The following ADAMTS2 variants were observed in gnomAD, a reference collection of about 807,000 sequenced individuals.
ADAMTS2 encodes the protein A disintegrin and metalloproteinase with thrombospondin motifs 2.
In ADAMTS2, 50 loss-of-function variants were observed where a neutral mutation model predicts 123.0. The ratio of observed to expected loss-of-function variants is 0.41; its 90% CI spans 0.32 to 0.51. ADAMTS2 has a LOEUF of 0.51. Among genes scored for constraint, ADAMTS2 ranks in the 20% least tolerant of loss-of-function variants. The pLI, the probability that ADAMTS2 is intolerant of heterozygous loss-of-function variation, is 0.35. For synonymous variants in ADAMTS2, 678 were observed against 695.4 expected, an observed-to-expected ratio of 0.98 and a Z score of 0.39; for missense variants, 1,494 against 1,705.2, an observed-to-expected ratio of 0.88 and a Z score of 2.18.
At chr5:179,160,091 G>A (rs917790518) in intron 5 of ADAMTS2, among the ~76,000 whole-genome samples, 5 of 152,188 alleles carry the variant, frequency 3.3e-5, no homozygotes, top group African/African-American at 1.2e-4. Flanking sequence ...TGGAAGCTAC[G>A]TATGCAGGTG....
At chr5:179,195,804 T>C (rs1461780684) in intron 4 of ADAMTS2, among the ~76,000 whole-genome samples, 1 of 152,124 alleles carries the variant, frequency 6.6e-6, no homozygotes, top group Non-Finnish European at 1.5e-5. Flanking sequence ...GGGACAAGCG[T>C]GAGGAACAGA....
chr5:179,249,564 G>A lies in ADAMTS2; in HGVS notation c.688+23347C>T, dbSNP rs112971929. ...TTACTAAAATCACAAACAAAAGTGG[G>A]GACATTACTACCGACCTTATAGAAA... is the stretch of plus-strand genomic sequence containing the variant. On this transcript the variant is annotated intron_variant, in intron 3 of 21. Transcript: ENST00000251582. 1.6e-3 allele frequency among the ~76,000 whole-genome samples: 244 copies of A among 152,028 alleles called. 1 individual carries two copies. Among genetic ancestry groups the A allele is most frequent in the African/African-American group, 5.7e-3 (237 of 41,490 alleles).
chr5:179,302,936 C>T (rs967444897), intron 2 of ADAMTS2, among the ~76,000 whole-genome samples: 8 of 78,642 alleles, frequency 1.0e-4, no homozygotes, highest in African/African-American at 2.1e-4. Context: ...TGGGCGGGGG[C>T]GAGGGACAGG....
At chr5:179,191,609 G>T (rs1012172529) in intron 4 of ADAMTS2, among the ~76,000 whole-genome samples, 2 of 151,930 alleles carry the variant, frequency 1.3e-5, no homozygotes, top group Non-Finnish European at 2.9e-5. Flanking sequence ...GGAACGGTGT[G>T]GGGGAGGGGG....
chr5:179,257,373 C>T lies in ADAMTS2; in HGVS notation c.688+15538G>A, dbSNP rs368110766. Among the ~76,000 whole-genome samples, 8 of 152,178 alleles carry T rather than the reference C, an allele frequency of 5.3e-5. No homozygotes were observed. The East Asian group carries it at 7.7e-4, about 15-fold the overall frequency. On this transcript the variant is annotated intron_variant, in intron 3 of 21. Transcript: ENST00000251582. ...CGGGGGCCTGGAGGACATCCAGGCA[C>T]GGGTATAGGTGCCGGGAGCCCGGGG...
At chr5:179,323,607 G>A (rs186679381) in intron 2 of ADAMTS2, among the ~76,000 whole-genome samples, 84 of 152,336 alleles carry the variant, frequency 5.5e-4, no homozygotes, top group Non-Finnish European at 8.2e-4. Flanking sequence ...TACTAACTGG[G>A]AACTGAAAGC....
intron 2 of ADAMTS2, among the ~76,000 whole-genome samples, chr5:179,329,128 C>A (rs1012470738): frequency 2.4e-4 from 37 of 152,044 alleles, no homozygotes; most frequent in Non-Finnish European, 4.3e-4. Context: ...GAGATGGAGA[C>A]CATCCTGGCT....
At chr5:179,191,437 G>A (rs1407306498) in intron 4 of ADAMTS2, among the ~76,000 whole-genome samples, 2 of 151,990 alleles carry the variant, frequency 1.3e-5, no homozygotes, top group African/African-American at 2.4e-5. Flanking sequence ...GACTGAGCTC[G>A]GTCACCTGGG....
intron 2 of ADAMTS2, among the ~76,000 whole-genome samples, chr5:179,310,619 TG>T (rs1368615774): frequency 2.0e-5 from 3 of 152,142 alleles, no homozygotes; most frequent in South Asian, 4.1e-4. Flanking sequence ...TGGAGCAGCC[TG>T]GGGGCCCCCG....
At chr5:179,146,066 G>GC (rs1763245366) in intron 10 of ADAMTS2, among the ~76,000 whole-genome samples, 1 of 152,110 alleles carries the variant, frequency 6.6e-6, no homozygotes, top group Non-Finnish European at 1.5e-5. Context: ...TGTTGGCCAG[G>GC]CTGGTCTCAA....
At chr5:179,139,219 A>G (rs1275306906) in intron 11 of ADAMTS2, among the ~76,000 whole-genome samples, 1 of 151,910 alleles carries the variant, frequency 6.6e-6, no homozygotes, top group Non-Finnish European at 1.5e-5. Context: ...GGCCAGGGTG[A>G]GCGTTCAGGC....
chr5:179,289,881 G>A (rs925924924), intron 2 of ADAMTS2, among the ~76,000 whole-genome samples: 5 of 152,196 alleles, frequency 3.3e-5, no homozygotes, highest in East Asian at 1.9e-4. Flanking sequence ...GGGATGCACC[G>A]TCTACAAAAC....
rs1312543156 is a variant in ADAMTS2 at position 179,308,726 on chromosome 5, C to T, written c.534+35041G>A. Among the ~76,000 whole-genome samples the T allele has an allele frequency of 6.6e-6, 1 of 152,198 alleles. No individual in the cohort carries two copies. Among genetic ancestry groups the T allele is most frequent in the Non-Finnish European group, 1.5e-5 (1 of 68,028 alleles). On this transcript the variant is annotated intron_variant, in intron 2 of 21. Transcript: ENST00000251582. The surrounding 1 kb of genome is among the most constrained non-coding windows in gnomAD (Gnocchi z 6.6). Reference sequence around the variant, plus strand: ...CCCAGCAGATGAATCTGGCTGGCGTCCTGAGTGGAAGCAGGGCGCGGGCTG... The same window carrying T: ...CCCAGCAGATGAATCTGGCTGGCGTTCTGAGTGGAAGCAGGGCGCGGGCTG...
chr5:179,314,788 C>G lies in ADAMTS2; in HGVS notation c.534+28979G>C, dbSNP rs1756938613. 6.6e-6 allele frequency among the ~76,000 whole-genome samples: 1 copy of G among 152,186 alleles called. No homozygotes were observed. The highest frequency in any genetic ancestry group is 1.5e-5 in the Non-Finnish European group (1 of 68,030). On this transcript the variant is annotated intron_variant, in intron 2 of 21. Coordinates refer to ENST00000251582, the MANE Select transcript of ADAMTS2 (RefSeq NM_014244.5). This position sits in a 1 kb window ranked among gnomAD's most constrained non-coding sequence, Gnocchi z 4.5. Reference sequence around the variant, plus strand: ...TGCCCCCAACCTCTACTCCAGCAGACCTCCACCTACAGACAGGAGTCTTGG... The same window carrying G: ...TGCCCCCAACCTCTACTCCAGCAGAGCTCCACCTACAGACAGGAGTCTTGG...
At position 179,315,997 on chromosome 5, in the gene ADAMTS2, G is replaced by T. The variant is rs565533118; in HGVS notation, c.534+27770C>A. Among the ~76,000 whole-genome samples, 14 of 152,344 alleles carry T rather than the reference G, an allele frequency of 9.2e-5. No homozygotes were observed. In the South Asian group the frequency reaches 2.7e-3, roughly 29 times the overall value. ...ATTCCAGCATGGATGGGTTCCTAGA[G>T]GCCTTATCAATACATATATAAGAAA... On this transcript the variant is annotated intron_variant, in intron 2 of 21. Coordinates refer to ENST00000251582, the MANE Select transcript of ADAMTS2 (RefSeq NM_014244.5).
At chr5:179,126,560 A>G (rs1024142933) in intron 17 of ADAMTS2, among the ~76,000 whole-genome samples, 5 of 152,180 alleles carry the variant, frequency 3.3e-5, no homozygotes, top group Non-Finnish European at 7.3e-5. Flanking sequence ...CCAGCAGGGG[A>G]CATTTGGCCA....
Position 179,158,549 on chromosome 5 carries a change from G to A in ADAMTS2, c.1132+174C>T, listed in dbSNP as rs762056739. 1.3e-5 allele frequency among the ~76,000 whole-genome samples: 2 copies of A among 152,186 alleles called. No individual in the cohort carries two copies. The highest frequency in any genetic ancestry group is 2.9e-5 in the Non-Finnish European group (2 of 68,042). On this transcript the variant is annotated intron_variant, in intron 6 of 21. Coordinates refer to ENST00000251582, the MANE Select transcript of ADAMTS2 (RefSeq NM_014244.5). This position sits in a 1 kb window ranked among gnomAD's most constrained non-coding sequence, Gnocchi z 5.0. ...TCAGGACACTGGATTCTCTTCTAAT[G>A]ATGTATTTGTCCATCAGTGCACTGC...
At chr5:179,135,845 GGTCAGTACCCAGGAAGCTGAGACTTGACA>G (rs930326108) in intron 13 of ADAMTS2, 35 bp downstream of exon 13, 2 of 1,607,886 alleles carry the variant, frequency 1.2e-6, no homozygotes, top group Non-Finnish European at 1.7e-6. Flanking sequence ...AAAAGGGGGA[GGTCAGTACCCAGGAAGCTGAGACTTGACA>G]CGGTAGCCCC....
chr5:179,176,082 C>T (rs1275538076), intron 5 of ADAMTS2, among the ~76,000 whole-genome samples: 1 of 152,176 alleles, frequency 6.6e-6, no homozygotes, highest in Admixed American at 6.5e-5. Flanking sequence ...CCTCTATAGT[C>T]CTCTGTAACA....
Sources: allele counts gnomAD v4.1 joint callset (sites outside exome capture counted in the v4.1 genomes callset), GRCh38; gene constraint gnomAD v4.1.1; non-coding constraint Gnocchi (gnomAD v3.1); transcripts MANE v1.5; gene names NCBI Gene and HGNC (gene_info 2026-07-23, HGNC 2026-07-21).